Variants in RWDD2B observed in about 807,000 individuals in gnomAD.
The protein encoded by RWDD2B is RWD domain containing 2B.
RWDD2B carries 36 observed loss-of-function variants against 33.6 expected under a neutral mutation model. That is an observed-to-expected ratio of 1.07 (90% CI 0.82 to 1.42). The LOEUF (loss-of-function observed/expected upper bound fraction) is 1.42. RWDD2B is among the 40% of genes most tolerant of loss of function. RWDD2B has a pLI of 0.00. For missense variants in RWDD2B, 364 were observed against 377.5 expected, an observed-to-expected ratio of 0.96 and a Z score of 0.30; for synonymous variants, 126 against 133.1, an observed-to-expected ratio of 0.95 and a Z score of 0.37.
In RWDD2B at chr21:29,008,723, A is replaced by G. The variant is rs146129584; in HGVS notation, c.68-102T>C. The G allele has an allele frequency of 1.6e-4, 116 of 743,946 alleles. 1 individual carries two copies. The African/African-American group carries it at 1.9e-3, about 12-fold the overall frequency. The allele number at this position is 743,946 out of a possible 1,614,324, so 46.1% of individuals were successfully genotyped here. On this transcript the variant is annotated intron_variant, in intron 1 of 4. Coordinates refer to ENST00000493196, the MANE Select transcript of RWDD2B (RefSeq NM_016940.3). ...CTAAAATTGTACTTGGTTTCTTCAT[A>G]AATTGTACAATTTAATTAGTCTCTT...
chr21:29,008,509 G>C lies in RWDD2B; in HGVS notation c.180C>G (p.Asp60Glu), dbSNP rs1194197058. 6.2e-7 allele frequency: 1 copy of C among 1,614,152 alleles called. No homozygotes were observed. Among genetic ancestry groups the C allele is most frequent in the South Asian group, 1.1e-5 (1 of 91,086 alleles). The part of the protein sequence containing the change: ...FPGENELIVN[D>E]QLAVAELKDC... Reference sequence around the variant, plus strand: ...CTTTCAGTTCTGCTACAGCCAGCTGGTCATTCACTATGAGCTCATTCTCAC... The same window carrying C: ...CTTTCAGTTCTGCTACAGCCAGCTGCTCATTCACTATGAGCTCATTCTCAC... The change falls in exon 2 of 5, where the codon GAC (aspartate) becomes GAG (glutamate). Residue 60 changes from aspartate (D) to glutamate (E), a missense_variant. By Grantham distance (45) the Asp-to-Glu change is conservative. Transcript: ENST00000493196.
chr21:29,014,617 C>A (rs1384006391), intron 1 of RWDD2B, among the ~76,000 whole-genome samples: 1 of 152,106 alleles, frequency 6.6e-6, no homozygotes, highest in African/African-American at 2.4e-5. Flanking sequence ...GTCAGGAGAT[C>A]AAGACCATCC....
At chr21:29,010,196 A>T (rs142081094) in intron 1 of RWDD2B, among the ~76,000 whole-genome samples, 70 of 152,250 alleles carry the variant, frequency 4.6e-4, no homozygotes, top group African/African-American at 1.7e-3. Context: ...CAACATGTAC[A>T]TTTTAAATTT....
rs761259761 is a variant in RWDD2B, at chr21:29,007,895, G to C, written c.591C>G (p.Ile197Met). The C allele has an allele frequency of 7.4e-6, 12 of 1,614,236 alleles. No individual in the cohort carries two copies. The highest frequency in any genetic ancestry group is 9.3e-6 in the Non-Finnish European group (11 of 1,180,050). The stretch of plus-strand genomic sequence containing the variant: ...TATTCTTTCTTTTGCATTTGTTATA[G>C]ATATGATGGCTGTAGATCCAGAGTC... ...FTRLWIYSHHIYNKCKRKNIL... is the reference protein window; with the variant it reads ...FTRLWIYSHHMYNKCKRKNIL... The change falls in exon 4 of 5, where the codon ATC (isoleucine) becomes ATG (methionine). Residue 197 changes from isoleucine to methionine, a missense_variant. By Grantham distance (10) the Ile-to-Met change is conservative (BLOSUM62 1). Coordinates refer to ENST00000493196, the MANE Select transcript of RWDD2B (RefSeq NM_016940.3).
chr21:29,008,220 C>A lies in RWDD2B; in HGVS notation c.362+20G>T, dbSNP rs1265028989. ...GATTAATTTTGACCTCCAAAGTTGG[C>A]CAGAGCTTCTGTAACGTACCTGACA... On this transcript the variant is annotated intron_variant, in intron 3 of 4. Coordinates refer to ENST00000493196, the MANE Select transcript of RWDD2B (RefSeq NM_016940.3). 6.8e-6 allele frequency: 11 copies of A among 1,613,674 alleles called. No homozygotes were observed. In the South Asian group the frequency reaches 1.2e-4, roughly 18 times the overall value.
Position 29,008,236 on chromosome 21 carries a change from G to C in RWDD2B, c.362+4C>G, listed in dbSNP as rs369290270. 5 of 1,613,780 alleles carry C rather than the reference G, an allele frequency of 3.1e-6. No individual in the cohort carries two copies. In the African/African-American group the frequency reaches 6.7e-5, roughly 22 times the overall value. On this transcript the variant is annotated splice_donor_region_variant and intron_variant, in intron 3 of 4. Coordinates refer to ENST00000493196, the MANE Select transcript of RWDD2B (RefSeq NM_016940.3). ...CAAAGTTGGCCAGAGCTTCTGTAAC[G>C]TACCTGACAGTAATTTCAGGCAGAA... is the stretch of plus-strand genomic sequence containing the variant.
At position 29,007,800 on chromosome 21, in the gene RWDD2B, A is replaced by G. The variant is rs2084835844; in HGVS notation, c.686T>C (p.Val229Ala). 6.2e-7 allele frequency: 1 copy of G among 1,614,050 alleles called. No homozygotes were observed. Among genetic ancestry groups the G allele is most frequent in the African/African-American group, 1.3e-5 (1 of 74,942 alleles). ...TTCACAGGCACTTTGTGGGCCTTCC[A>G]CACAAACAACACCAGGTTTTCCAGG... ...SMPGKPGVVC[V>A]EGPQSACEEF... Residue 229 changes from valine (V) to alanine (A), a missense_variant, in exon 4 of 5, where the codon GTG (valine) becomes GCG (alanine). Transcript: ENST00000493196.
intron 1 of RWDD2B, among the ~76,000 whole-genome samples, chr21:29,018,706 T>G (rs1241839156): frequency 6.6e-6 from 1 of 152,180 alleles, no homozygotes; most frequent in East Asian, 1.9e-4. Context: ...GATAATAGAC[T>G]GTGGCCGGGC....
In RWDD2B at chr21:29,008,044, C is replaced by G; in HGVS notation, c.442G>C (p.Asp148His). The change falls in exon 4 of 5, where the codon GAT becomes CAT. Residue 148 changes from aspartate to histidine, a missense_variant. Physicochemically the swap from Asp to His is moderately conservative, Grantham distance 81 (BLOSUM62 -1). Coordinates refer to ENST00000493196, the MANE Select transcript of RWDD2B (RefSeq NM_016940.3). ...TCTGTGGCATTCAGTATACAAACAT[C>G]TCCATGACAATGTTTTTGCAGGAAT... ...TAFLQKHCHGDVCILNATEWV... is the reference protein window; with the variant it reads ...TAFLQKHCHGHVCILNATEWV... 6.2e-7 allele frequency: 1 copy of G among 1,614,202 alleles called. No homozygotes were observed. The highest frequency in any genetic ancestry group is 1.1e-5 in the South Asian group (1 of 91,084).
Position 29,019,301 on chromosome 21 carries a change from G to A in RWDD2B, c.-24C>T, listed in dbSNP as rs2084904825. ...ATCAGAAGGGAGCCTCAAAATTCTAGCATACTGCGACCCAAAACTTACAAA... is the reference window on the plus strand; with the variant it reads ...ATCAGAAGGGAGCCTCAAAATTCTAACATACTGCGACCCAAAACTTACAAA... On this transcript the variant is annotated 5_prime_UTR_variant, in exon 1 of 5. Transcript: ENST00000493196. 1.3e-6 allele frequency: 2 copies of A among 1,568,958 alleles called. No homozygotes were observed. The highest frequency in any genetic ancestry group is 1.2e-5 in the South Asian group (1 of 86,872).
Position 29,007,792 on chromosome 21 carries a change from G to C in RWDD2B, c.694C>G (p.Pro232Ala), listed in dbSNP as rs1380771164. The C allele has an allele frequency of 2.7e-5, 43 of 1,613,838 alleles. No individual in the cohort carries two copies. The Admixed American group carries it at 7.0e-4, about 26-fold the overall frequency. The change falls in exon 4 of 5, where the codon CCA becomes GCA. Residue 232 changes from proline (P) to alanine (A), a missense_variant. Physicochemically the swap from Pro to Ala is conservative, Grantham distance 27. Transcript: ENST00000493196. ...CAGAATTCTTCACAGGCACTTTGTG[G>C]GCCTTCCACACAAACAACACCAGGT... is the stretch of plus-strand genomic sequence containing the variant. The part of the protein sequence containing the change: ...GKPGVVCVEG[P>A]QSACEEFWSR...
chr21:29,015,697 T>G (rs558302941), intron 1 of RWDD2B, among the ~76,000 whole-genome samples: 3 of 151,710 alleles, frequency 2.0e-5, no homozygotes, highest in African/African-American at 7.3e-5. Context: ...GCCCAGCTAA[T>G]TTTTTGTATT....
chr21:29,012,057 C>T (rs2084865417), intron 1 of RWDD2B, among the ~76,000 whole-genome samples: 1 of 140,358 alleles, frequency 7.1e-6, no homozygotes, highest in Non-Finnish European at 1.6e-5. Flanking sequence ...TGCCCGGCCG[C>T]CCCTACTGGG....
At position 29,008,393 on chromosome 21, in the gene RWDD2B, A is replaced by G. The variant is rs1310994200; in HGVS notation, c.294+2T>C. 2.1e-5 allele frequency: 34 copies of G among 1,613,680 alleles called. No homozygotes were observed. The highest frequency in any genetic ancestry group is 2.8e-5 in the Non-Finnish European group (33 of 1,179,706). ...ATCCCTCTAAAAGCAAAACTGAATT[A>G]CCATTTTTTCGTCAGATACATCCAG... On this transcript the variant is annotated splice_donor_variant, in intron 2 of 4. Coordinates refer to ENST00000493196, the MANE Select transcript of RWDD2B (RefSeq NM_016940.3). LOFTEE classifies it high-confidence loss of function.
rs576806240 is a variant in RWDD2B at position 29,005,326 on chromosome 21, T to G, written c.*1091A>C. ...CGTGAGTATACAAAAAGTGGGGAACTGCAAACTCCACTTCAGAAAAACTTC... is the reference window on the plus strand; with the variant it reads ...CGTGAGTATACAAAAAGTGGGGAACGGCAAACTCCACTTCAGAAAAACTTC... On this transcript the variant is annotated 3_prime_UTR_variant, in exon 5 of 5. Coordinates refer to ENST00000493196, the MANE Select transcript of RWDD2B (RefSeq NM_016940.3). 6.6e-6 allele frequency: 1 copy of G among 152,318 alleles called. No individual in the cohort carries two copies. The highest frequency in any genetic ancestry group is 2.1e-4 in the South Asian group (1 of 4,830). The allele number at this position is 152,318 out of a possible 1,614,324, so 9.4% of individuals were successfully genotyped here.
At chr21:29,006,962 A>G (rs148236973) in intron 4 of RWDD2B, among the ~76,000 whole-genome samples, 1 of 152,310 alleles carries the variant, frequency 6.6e-6, no homozygotes, top group East Asian at 1.9e-4. Flanking sequence ...ATCAAATATG[A>G]TTCTGGTCAT....
At chr21:29,019,075 G>A in intron 1 of RWDD2B, 136 bp downstream of exon 1, 1 of 700,828 alleles carries the variant, frequency 1.4e-6, no homozygotes, top group South Asian at 1.8e-5. Flanking sequence ...CGAGGACCGA[G>A]CCGACCGATG....
At chr21:29,012,130 C>A (rs1473890405) in intron 1 of RWDD2B, among the ~76,000 whole-genome samples, 1 of 144,654 alleles carries the variant, frequency 6.9e-6, no homozygotes, top group African/African-American at 2.6e-5. Context: ...GGGGTCAGCC[C>A]CCCGCCCGGC....
rs532413386 is a variant in RWDD2B at position 29,004,717 on chromosome 21, G to A, written c.*1700C>T. On this transcript the variant is annotated 3_prime_UTR_variant, in exon 5 of 5. Transcript: ENST00000493196. Reference sequence around the variant, plus strand: ...CAGGGCAGCAGGGAGGAAATCTGGGGACGTACATAAGATTTAGGTCCAATA... The same window carrying A: ...CAGGGCAGCAGGGAGGAAATCTGGGAACGTACATAAGATTTAGGTCCAATA... 2 of 152,338 alleles carry A rather than the reference G, an allele frequency of 1.3e-5. No homozygotes were observed. The highest frequency in any genetic ancestry group is 2.9e-5 in the Non-Finnish European group (2 of 68,040). The allele number at this position is 152,338 out of a possible 1,614,324, so 9.4% of individuals were successfully genotyped here.
Sources: allele counts gnomAD v4.1 joint callset (sites outside exome capture counted in the v4.1 genomes callset), GRCh38; gene constraint gnomAD v4.1.1; transcripts MANE v1.5; gene names NCBI Gene and HGNC (gene_info 2026-07-23, HGNC 2026-07-21).